The following CAB39L variants were observed in gnomAD, a reference collection of about 807,000 sequenced individuals.
CAB39L encodes the protein calcium binding protein 39 like.
A neutral mutation model predicts 39.1 loss-of-function variants in CAB39L; 23 were observed. That is an observed-to-expected ratio of 0.59 (90% confidence interval 0.42 to 0.83). CAB39L has a LOEUF of 0.83. Ranked by LOEUF, CAB39L falls within the 40% of genes least tolerant of loss-of-function variation. The pLI, the probability that CAB39L is intolerant of heterozygous loss-of-function variation, is 0.00. For missense variants in CAB39L, 366 were observed against 391.9 expected (o/e 0.93, Z 0.56); for synonymous variants, 126 against 137.2 (o/e 0.92, Z 0.57).
In CAB39L at chr13:49,329,574, T is replaced by C. The variant is rs373968339; in HGVS notation, c.834+2373A>G. On this transcript the variant is annotated intron_variant, in intron 10 of 10. Transcript: ENST00000409308. The stretch of plus-strand genomic sequence containing the variant: ...ATATATATATATATATATATATATA[T>C]ATATATATATATATATATATATAAT... 5.9e-4 allele frequency among the ~76,000 whole-genome samples: 66 copies of C among 112,356 alleles called. 7 individuals are homozygous for C. Among genetic ancestry groups the C allele is most frequent in the African/African-American group, 2.4e-3 (61 of 25,690 alleles). 73.7% of individuals were successfully genotyped at this position (112,356 alleles called of 152,430 possible). A position where few individuals can be genotyped will look rare whatever the true frequency, so the allele number is the denominator to read the frequency against.
intron 1 of CAB39L, among the ~76,000 whole-genome samples, chr13:49,443,462 C>A (rs1272695211): frequency 6.6e-6 from 1 of 152,136 alleles, no homozygotes. Context: ...CCGCGAAGAG[C>A]AAACTGTTTA....
chr13:49,312,705 A>G (rs1290541350), intron 10 of CAB39L, among the ~76,000 whole-genome samples: 1 of 152,234 alleles, frequency 6.6e-6, no homozygotes, highest in Non-Finnish European at 1.5e-5. Flanking sequence ...CTCCTAAGTC[A>G]CTAGCTAGGA....
chr13:49,395,904 T>C (rs1438101991), intron 3 of CAB39L, among the ~76,000 whole-genome samples: 3 of 152,062 alleles, frequency 2.0e-5, no homozygotes, highest in Non-Finnish European at 4.4e-5. Context: ...ATGCCCTTGT[T>C]GTTATCCCAC....
chr13:49,438,475 G>T (rs188359610), intron 1 of CAB39L, among the ~76,000 whole-genome samples: 1 of 152,026 alleles, frequency 6.6e-6, no homozygotes, highest in East Asian at 1.9e-4. Context: ...TCTAGTATAC[G>T]CTTCAGAAGG....
At chr13:49,313,207 C>T (rs568762637) in intron 10 of CAB39L, among the ~76,000 whole-genome samples, 7 of 152,226 alleles carry the variant, frequency 4.6e-5, no homozygotes, top group East Asian at 1.9e-4. Context: ...CTGGGCCAGG[C>T]GCGGTGGCTC....
chr13:49,314,275 A>C (rs948572029), intron 10 of CAB39L, among the ~76,000 whole-genome samples: 1 of 152,054 alleles, frequency 6.6e-6, no homozygotes, highest in Non-Finnish European at 1.5e-5. Flanking sequence ...GTCCACCAGC[A>C]AAGTTTTGTT....
chr13:49,335,561 C>T (rs962974065), intron 9 of CAB39L, among the ~76,000 whole-genome samples: 2 of 152,184 alleles, frequency 1.3e-5, no homozygotes, highest in Admixed American at 6.5e-5. Flanking sequence ...ACATATTTTA[C>T]TTCTTTAAAT....
At chr13:49,409,094 C>T (rs1019391456) in intron 3 of CAB39L, among the ~76,000 whole-genome samples, 5 of 152,134 alleles carry the variant, frequency 3.3e-5, no homozygotes, top group Non-Finnish European at 5.9e-5. Flanking sequence ...CCCTAAATTG[C>T]TAAAGACATA....
In CAB39L at chr13:49,351,401, G is replaced by A. The variant is rs185203066; in HGVS notation, c.396-489C>T. Among the ~76,000 whole-genome samples the A allele has an allele frequency of 2.0e-5, 3 of 152,150 alleles. No homozygotes were observed. The East Asian group carries it at 5.8e-4, about 29-fold the overall frequency. On this transcript the variant is annotated intron_variant, in intron 6 of 10. Coordinates refer to ENST00000409308, the MANE Select transcript of CAB39L (RefSeq NM_001079670.3). ...AGGCTCCATGGCAAGAACAGGCTTG[G>A]CGAAACAGAGAAGGAGGAATAAAGC...
intron 10 of CAB39L, among the ~76,000 whole-genome samples, chr13:49,330,960 CTATT>C: frequency 6.6e-6 from 1 of 152,146 alleles, no homozygotes; most frequent in Non-Finnish European, 1.5e-5. Flanking sequence ...GCTCTAAAAA[CTATT>C]TATAGCAATA....
rs372594689 is a variant in CAB39L at position 49,370,449 on chromosome 13, C to T, written c.276+6518G>A. ...GAAAAACTGCATTTACTATCTTTAG[C>T]ACCTGGCTAAACACTGGGGTTCTGT... On this transcript the variant is annotated intron_variant, in intron 5 of 10. Coordinates refer to ENST00000409308, the MANE Select transcript of CAB39L (RefSeq NM_001079670.3). Among the ~76,000 whole-genome samples the T allele has an allele frequency of 1.1e-3, 175 of 152,298 alleles. 1 individual carries two copies. The highest frequency in any genetic ancestry group is 4.0e-3 in the African/African-American group (168 of 41,550).
At chr13:49,342,984 T>G (rs1378580138) in intron 8 of CAB39L, among the ~76,000 whole-genome samples, 2 of 152,220 alleles carry the variant, frequency 1.3e-5, no homozygotes, top group Non-Finnish European at 2.9e-5. Flanking sequence ...TGTTTCTTTT[T>G]ACCTCTTTGT....
intron 10 of CAB39L, among the ~76,000 whole-genome samples, chr13:49,329,547 ATATATATATATATATATATATATAT>A (rs1566066076): frequency 0.041 from 1,354 of 33,066 alleles, 146 homozygotes; most frequent in East Asian, 0.12. Context: ...AAAAAAAAAT[ATATATATATATATATATATATATAT>A]ATATATATAT....
intron 4 of CAB39L, among the ~76,000 whole-genome samples, chr13:49,382,326 T>C (rs1288765603): frequency 6.6e-6 from 1 of 152,158 alleles, no homozygotes; most frequent in African/African-American, 2.4e-5. Flanking sequence ...ATTTCTTTTA[T>C]AGATATCTTG....
chr13:49,357,617 T>C (rs1168133445), intron 6 of CAB39L, among the ~76,000 whole-genome samples: 1 of 152,228 alleles, frequency 6.6e-6, no homozygotes, highest in African/African-American at 2.4e-5. Flanking sequence ...TAACCATGTA[T>C]TACTTTTGAA....
chr13:49,397,580 T>A (rs529155874), intron 3 of CAB39L, among the ~76,000 whole-genome samples: 79 of 152,244 alleles, frequency 5.2e-4, no homozygotes, highest in Non-Finnish European at 8.8e-4. Flanking sequence ...ACATTTATTA[T>A]CTAAGGATCC....
At chr13:49,313,436 G>C (rs12430475) in intron 10 of CAB39L, among the ~76,000 whole-genome samples, 25 of 150,488 alleles carry the variant, frequency 1.7e-4, no homozygotes, top group South Asian at 2.1e-4. Flanking sequence ...AGCTGAGATC[G>C]CGCCACTGCA....
At chr13:49,332,219 T>C in intron 9 of CAB39L, 129 bp from the exon 10 acceptor site, 3 of 1,041,680 alleles carry the variant, frequency 2.9e-6, no homozygotes, top group South Asian at 3.6e-5. Context: ...AATTAGAGTG[T>C]CCTTAAGTGC....
chr13:49,332,508 C>A (rs1219660924), intron 9 of CAB39L, among the ~76,000 whole-genome samples: 2 of 152,044 alleles, frequency 1.3e-5, no homozygotes, highest in East Asian at 3.9e-4. Flanking sequence ...ACTATTAAGA[C>A]AGTTTGTTAA....
Sources: allele counts gnomAD v4.1 joint callset (sites outside exome capture counted in the v4.1 genomes callset), GRCh38; gene constraint gnomAD v4.1.1; transcripts MANE v1.5; gene names NCBI Gene and HGNC (gene_info 2026-07-23, HGNC 2026-07-21).